FAT3: variants seen among roughly 807,000 people sequenced by gnomAD.
FAT3 encodes the protein FAT atypical cadherin 3, also known as protocadherin Fat 3.
FAT3 carries 95 observed loss-of-function variants against 310.2 expected under a neutral mutation model. The observed-to-expected ratio is 0.31, with a 90% CI of 0.26 to 0.36. FAT3 has a LOEUF of 0.36. Ranked by LOEUF, FAT3 falls within the 10% of genes least tolerant of loss-of-function variation. FAT3 has a pLI of 1.00. For missense variants in FAT3, 5,408 were observed against 5,715.6 expected (o/e 0.95, Z 1.74); for synonymous variants, 2,314 against 2,192.9 (o/e 1.06, Z -1.54).
At position 92,798,244 on chromosome 11, in the gene FAT3, C is replaced by T; in HGVS notation, c.5231C>T (p.Thr1744Ile). Residue 1744 changes from threonine (T) to isoleucine (I), a missense_variant, in exon 10 of 28, where the codon ACC becomes ATC. By Grantham distance (89) the Thr-to-Ile change is moderately conservative (BLOSUM62 -1). Around this residue, in one of 5 missense-constraint regions of FAT3, gnomAD observed 4,588 missense variants for 4,809.8 expected, o/e 0.95. Coordinates refer to ENST00000525166, the MANE Select transcript of FAT3 (RefSeq NM_001367949.2). ...TCTTATCAACTCATCATTCAGGCCA[C>T]CAATATGGCAGGAATGGCTTCCAAT... Reference protein sequence around the residue: ...TSSYQLIIQATNMAGMASNAT... With the variant: ...TSSYQLIIQAINMAGMASNAT... The T allele has an allele frequency of 1.2e-6, 2 of 1,613,886 alleles. No individual in the cohort carries two copies. The highest frequency in any genetic ancestry group is 2.7e-5 in the African/African-American group (2 of 75,018).
At chr11:92,641,808 C>T (rs1394975206) in intron 3 of FAT3, among the ~76,000 whole-genome samples, 1 of 152,204 alleles carries the variant, frequency 6.6e-6, no homozygotes, top group Non-Finnish European at 1.5e-5. Context: ...ATCATTTTGT[C>T]ACTTTATCAT....
chr11:92,352,504 G>C lies in FAT3; in HGVS notation c.392G>C (p.Gly131Ala). ...GATAATTATTTATTGATAGTAAAAG[G>C]TTCTGTCAGAGGAGAGGATTTGGAA... ...IQDNYLLIVK[G>A]SVRGEDLEAW... The change falls in exon 2 of 28, where the codon GGT becomes GCT. Residue 131 changes from glycine (G) to alanine (A), a missense_variant. Coordinates refer to ENST00000525166, the MANE Select transcript of FAT3 (RefSeq NM_001367949.2). 6.2e-7 allele frequency: 1 copy of C among 1,613,104 alleles called. No individual in the cohort carries two copies. Among genetic ancestry groups the C allele is most frequent in the Non-Finnish European group, 8.5e-7 (1 of 1,179,712 alleles).
At chr11:92,842,931 T>C (rs978895641) in intron 18 of FAT3, among the ~76,000 whole-genome samples, 34 of 152,080 alleles carry the variant, frequency 2.2e-4, no homozygotes, top group African/African-American at 8.2e-4. Context: ...ACATGAAACA[T>C]CAAGTACTAA....
At chr11:92,744,774 A>G (rs1227415509) in intron 4 of FAT3, among the ~76,000 whole-genome samples, 1 of 152,180 alleles carries the variant, frequency 6.6e-6, no homozygotes, top group East Asian at 1.9e-4. Context: ...AATACACTGT[A>G]TGGGCCAAAA....
At chr11:92,786,986 G>A (rs542843250) in intron 7 of FAT3, among the ~76,000 whole-genome samples, 60 of 152,282 alleles carry the variant, frequency 3.9e-4, no homozygotes, top group African/African-American at 1.4e-3. Flanking sequence ...TTTTGGGTCA[G>A]ATGATTCTTT....
At chr11:92,856,525 C>G (rs78319458) in intron 19 of FAT3, among the ~76,000 whole-genome samples, 2,713 of 152,220 alleles carry the variant, frequency 0.018, 90 homozygotes, top group African/African-American at 0.061. Flanking sequence ...CAGGATTTCC[C>G]TTCTGAGGGA....
chr11:92,588,532 A>G (rs1939266807), intron 3 of FAT3, among the ~76,000 whole-genome samples: 1 of 152,074 alleles, frequency 6.6e-6, no homozygotes. Context: ...GCTTACAATA[A>G]TAGTCCTACT....
At position 92,319,054 on chromosome 11, in the gene FAT3, C is replaced by T. The variant is rs145846225; in HGVS notation, c.-17-33042C>T. Among the ~76,000 whole-genome samples, 34 of 152,274 alleles carry T rather than the reference C, an allele frequency of 2.2e-4. 1 individual carries two copies. Among genetic ancestry groups the T allele is most frequent in the Admixed American group, 2.1e-3 (32 of 15,296 alleles). ...AGAGCTTTGATCAGTTGCTTATATG[C>T]ATGCACTCATACACAATCTAAACAA... On this transcript the variant is annotated intron_variant, in intron 1 of 27. Coordinates refer to ENST00000525166, the MANE Select transcript of FAT3 (RefSeq NM_001367949.2).
chr11:92,636,419 G>C (rs1466284277), intron 3 of FAT3, among the ~76,000 whole-genome samples: 1 of 152,168 alleles, frequency 6.6e-6, no homozygotes, highest in Non-Finnish European at 1.5e-5. Flanking sequence ...CCATATTCCA[G>C]TCAGAGTTCT....
At chr11:92,787,087 T>C (rs1946914330) in intron 7 of FAT3, among the ~76,000 whole-genome samples, 1 of 152,140 alleles carries the variant, frequency 6.6e-6, no homozygotes, top group Non-Finnish European at 1.5e-5. Flanking sequence ...CTCCAAGTGT[T>C]ACAACCAAAA....
At chr11:92,834,123 A>G (rs577630152) in intron 14 of FAT3, among the ~76,000 whole-genome samples, 2 of 152,326 alleles carry the variant, frequency 1.3e-5, no homozygotes, top group African/African-American at 2.4e-5. Flanking sequence ...AGAATGCAGG[A>G]TTGGGTTACC....
At chr11:92,450,783 T>C (rs1479079682) in intron 2 of FAT3, among the ~76,000 whole-genome samples, 1 of 152,218 alleles carries the variant, frequency 6.6e-6, no homozygotes, top group Non-Finnish European at 1.5e-5. Flanking sequence ...GGAACAGTTA[T>C]AGATTATGTT....
At chr11:92,695,208 A>T (rs1214943625) in intron 3 of FAT3, among the ~76,000 whole-genome samples, 1 of 152,168 alleles carries the variant, frequency 6.6e-6, no homozygotes, top group African/African-American at 2.4e-5. Flanking sequence ...TCACAGTGAG[A>T]TTCAGTGAAA....
intron 3 of FAT3, among the ~76,000 whole-genome samples, chr11:92,652,960 C>T (rs531879562): frequency 3.7e-4 from 56 of 152,160 alleles, no homozygotes; most frequent in Non-Finnish European, 7.1e-4. Flanking sequence ...GTCAGGAGTT[C>T]GAGACCAGAC....
At chr11:92,747,659 A>T (rs1565561625) in intron 4 of FAT3, among the ~76,000 whole-genome samples, 1 of 152,166 alleles carries the variant, frequency 6.6e-6, no homozygotes, top group African/African-American at 2.4e-5. Context: ...CCAAACATTT[A>T]TGCTCTGCTT....
intron 7 of FAT3, among the ~76,000 whole-genome samples, chr11:92,788,344 A>G (rs1294810140): frequency 6.6e-6 from 1 of 152,142 alleles, no homozygotes; most frequent in Non-Finnish European, 1.5e-5. Flanking sequence ...ATAATGGTTA[A>G]AAAAGAGTAC....
intron 2 of FAT3, among the ~76,000 whole-genome samples, chr11:92,502,107 G>A (rs1351495692): frequency 6.6e-6 from 1 of 152,066 alleles, no homozygotes; most frequent in Admixed American, 6.6e-5. Context: ...ATTAAAAATT[G>A]AAGTGACCTG....
Position 92,288,387 on chromosome 11 carries a change from A to G in FAT3, c.-18+63213A>G, listed in dbSNP as rs1946610408. Among the ~76,000 whole-genome samples, 4 of 152,274 alleles carry G rather than the reference A, an allele frequency of 2.6e-5. No homozygotes were observed. In the South Asian group the frequency reaches 8.3e-4, roughly 32 times the overall value. ...ATCTGCTCTACAGCATTGCACCAGT[A>G]GTCAACCATAGCAGGTCATCTGGGT... is the stretch of plus-strand genomic sequence containing the variant. On this transcript the variant is annotated intron_variant, in intron 1 of 27. Coordinates refer to ENST00000525166, the MANE Select transcript of FAT3 (RefSeq NM_001367949.2).
chr11:92,839,864 AAGC>A (rs1441977214), intron 17 of FAT3, among the ~76,000 whole-genome samples: 2 of 152,234 alleles, frequency 1.3e-5, no homozygotes, highest in Admixed American at 6.5e-5. Flanking sequence ...TTGGGGAAAA[AAGC>A]AGAGAAGTTC....
Sources: allele counts gnomAD v4.1 joint callset (sites outside exome capture counted in the v4.1 genomes callset), GRCh38; gene constraint gnomAD v4.1.1; regional missense constraint gnomAD v4.1.1; transcripts MANE v1.5; gene names NCBI Gene and HGNC (gene_info 2026-07-23, HGNC 2026-07-21).